Variants in BST1 observed in about 807,000 individuals in gnomAD.
The protein encoded by BST1 is bone marrow stromal cell antigen 1.
BST1 carries 49 observed loss-of-function variants against 40.6 expected under a neutral mutation model. The ratio of observed to expected loss-of-function variants is 1.21; its 90% CI spans 0.96 to 1.53. The LOEUF (loss-of-function observed/expected upper bound fraction) is 1.53, where lower values mean the gene tolerates loss of function less well. BST1 is among the 40% of genes most tolerant of loss of function. The probability of loss-of-function intolerance (pLI) is 0.00; values close to 1 mark genes in which losing one functional copy is unlikely to be tolerated. For synonymous variants in BST1, 157 were observed against 159.3 expected, an observed-to-expected ratio of 0.99 and a Z score of 0.11; for missense variants, 423 against 395.9, an observed-to-expected ratio of 1.07 and a Z score of -0.58.
chr4:15,745,474 A>C, the BST1 span, among the ~76,000 whole-genome samples: 2 of 152,172 alleles, frequency 1.3e-5, no homozygotes, highest in Admixed American at 1.3e-4. Context: ...TGCCCCCAAA[A>C]TTATGTAGTT....
chr4:15,714,803 G>A (rs572713307), intron 4 of BST1, among the ~76,000 whole-genome samples: 82 of 152,196 alleles, frequency 5.4e-4, no homozygotes, highest in African/African-American at 1.9e-3. Flanking sequence ...GTGACTTTTG[G>A]GTGGAAGCCT....
At chr4:15,765,541 G>A in the BST1 span, among the ~76,000 whole-genome samples, 1 of 151,864 alleles carries the variant, frequency 6.6e-6, no homozygotes, top group African/African-American at 2.4e-5. Flanking sequence ...CTATCTCCGG[G>A]TCCCAAACAC....
In BST1 at chr4:15,704,024, G is replaced by A. The variant is rs371577247; in HGVS notation, c.188+692G>A. On this transcript the variant is annotated intron_variant, in intron 1 of 8. Coordinates refer to ENST00000265016, the MANE Select transcript of BST1 (RefSeq NM_004334.3). ...TGTGTGTTCTAGAGGTGAGGGGTGC[G>A]TGCATGTGTTCTAGAGGTGTGTGTG... 9.2e-5 allele frequency among the ~76,000 whole-genome samples: 13 copies of A among 141,686 alleles called. No individual in the cohort carries two copies. The East Asian group carries it at 2.0e-3, about 22-fold the overall frequency. The allele number at this position is 141,686 out of a possible 152,430, so 93.0% of individuals were successfully genotyped here.
At chr4:15,748,526 C>T in the BST1 span, among the ~76,000 whole-genome samples, 4 of 152,320 alleles carry the variant, frequency 2.6e-5, no homozygotes, top group South Asian at 8.3e-4. Context: ...GTCTTACTCT[C>T]TCCCCACAAA....
the BST1 span, among the ~76,000 whole-genome samples, chr4:15,747,413 A>T: frequency 6.6e-6 from 1 of 152,154 alleles, no homozygotes. Flanking sequence ...GCTTCTTGGT[A>T]CTAGGAATCC....
At chr4:15,744,090 TC>T in the BST1 span, among the ~76,000 whole-genome samples, 1 of 152,246 alleles carries the variant, frequency 6.6e-6, no homozygotes, top group Non-Finnish European at 1.5e-5. Flanking sequence ...CTTCTGGGCC[TC>T]TGTGTAGTAT....
the BST1 span, among the ~76,000 whole-genome samples, chr4:15,745,622 C>T: frequency 3.5e-4 from 53 of 152,300 alleles, no homozygotes; most frequent in South Asian, 8.3e-4. Context: ...ACATGACTAA[C>T]GGATCAGAAC....
the BST1 span, among the ~76,000 whole-genome samples, chr4:15,744,849 C>T: frequency 4.6e-5 from 7 of 152,080 alleles, no homozygotes; most frequent in Non-Finnish European, 1.0e-4. Flanking sequence ...GTTCAAAGCT[C>T]AAATAAAAAT....
At chr4:15,734,507 G>T (rs1014904721), downstream of BST1, among the ~76,000 whole-genome samples, 1 of 151,906 alleles carries the variant, frequency 6.6e-6, no homozygotes, top group South Asian at 2.1e-4. Context: ...TCTCAAAATT[G>T]TCTCCTCCAC....
chr4:15,717,817 C>CA (rs2148886920), intron 6 of BST1, among the ~76,000 whole-genome samples: 1 of 152,268 alleles, frequency 6.6e-6, no homozygotes, highest in Non-Finnish European at 1.5e-5. Flanking sequence ...TAGCTGACTG[C>CA]ATGGAGACAA....
At chr4:15,739,320 C>T (rs749352370), downstream of BST1, among the ~76,000 whole-genome samples, 72 of 152,012 alleles carry the variant, frequency 4.7e-4, no homozygotes, top group Non-Finnish European at 8.1e-4. Flanking sequence ...CAATATGAAA[C>T]GTATATGTAT....
At chr4:15,739,399 A>G (rs1458780443), downstream of BST1, among the ~76,000 whole-genome samples, 1 of 152,218 alleles carries the variant, frequency 6.6e-6, no homozygotes, top group East Asian at 1.9e-4. Flanking sequence ...AGAATGCAGC[A>G]GGTTCTCTAA....
the BST1 span, among the ~76,000 whole-genome samples, chr4:15,760,069 A>G: frequency 6.6e-6 from 1 of 152,018 alleles, no homozygotes; most frequent in East Asian, 1.9e-4. Flanking sequence ...CCCCATTCCT[A>G]TTGGGCTGTC....
intron 1 of BST1, among the ~76,000 whole-genome samples, chr4:15,705,185 G>T (rs986737853): frequency 6.6e-6 from 1 of 151,846 alleles, no homozygotes; most frequent in Non-Finnish European, 1.5e-5. Flanking sequence ...TGGCCCCACC[G>T]TTAGGTCTAA....
the BST1 span, among the ~76,000 whole-genome samples, chr4:15,754,081 G>A: frequency 3.9e-5 from 6 of 152,340 alleles, no homozygotes; most frequent in Middle Eastern, 3.4e-3. Context: ...GGCCAAGTGG[G>A]GGGGTGTGAG....
At chr4:15,704,983 C>G (rs1457820358) in intron 1 of BST1, 4 of 770,486 alleles carry the variant, frequency 5.2e-6, no homozygotes, top group Non-Finnish European at 9.7e-6. Flanking sequence ...AACAAAGTTA[C>G]AAATGCTATG....
chr4:15,715,653 A>G, intron 5 of BST1, 54 bp from the exon 6 acceptor site: 1 of 1,255,966 alleles, frequency 8.0e-7, no homozygotes, highest in Non-Finnish European at 1.1e-6. Context: ...TAAATTAACA[A>G]CTGAAATGGA....
At chr4:15,762,188 C>CAAAAAAAAAAAAAAAAAAAAAAA in the BST1 span, among the ~76,000 whole-genome samples, 1 of 61,238 alleles carries the variant, frequency 1.6e-5, no homozygotes, top group Non-Finnish European at 3.0e-5. Context: ...GACTCCATCT[C>CAAAAAAAAAAAAAAAAAAAAAAA]AAAAAAAAAA....
At chr4:15,708,600 C>G (rs190827673) in intron 3 of BST1, among the ~76,000 whole-genome samples, 2 of 151,988 alleles carry the variant, frequency 1.3e-5, no homozygotes, top group Admixed American at 6.6e-5. Flanking sequence ...AATATCAGGC[C>G]GGGCATGGTA....
Sources: gnomAD v4.1 joint callset for allele counts (sites outside exome capture counted in the v4.1 genomes callset) on GRCh38, gnomAD v4.1.1 for gene constraint, MANE v1.5 for transcripts, NCBI Gene and HGNC (gene_info 2026-07-23, HGNC 2026-07-21) for gene names.